RGL1: variants seen among roughly 807,000 people sequenced by gnomAD.
RGL1 encodes ral guanine nucleotide dissociation stimulator-like 1.
A neutral mutation model predicts 95.2 loss-of-function variants in RGL1; 24 were observed. That is an observed-to-expected ratio of 0.25 (90% confidence interval 0.18 to 0.35). The LOEUF is 0.35. RGL1 is among the 10% of genes least tolerant of loss of function. RGL1 has a pLI of 1.00. For missense variants in RGL1, 715 were observed against 936.3 expected (o/e 0.76, Z 3.08); for synonymous variants, 329 against 344.9 (o/e 0.95, Z 0.51).
intron 1 of RGL1, among the ~76,000 whole-genome samples, chr1:183,640,002 C>T (rs1199105203): frequency 1.3e-5 from 2 of 152,036 alleles, no homozygotes; most frequent in African/African-American, 4.8e-5. Flanking sequence ...CCACCATGCC[C>T]AGCTAATTTT....
chr1:183,895,053 T>G (rs766062362), intron 9 of RGL1, among the ~76,000 whole-genome samples: 2 of 152,216 alleles, frequency 1.3e-5, no homozygotes, highest in African/African-American at 4.8e-5. Context: ...TAAGAATTTT[T>G]TCGGTTGACT....
chr1:183,891,733 GTTT>G (rs57974956), intron 8 of RGL1, among the ~76,000 whole-genome samples: 1,509 of 123,666 alleles, frequency 0.012, 13 homozygotes, highest in African/African-American at 0.04. Context: ...GTGTGTAACA[GTTT>G]TTTTTTTTTT....
At chr1:183,772,933 C>T (rs1183054516) in intron 2 of RGL1, among the ~76,000 whole-genome samples, 1 of 141,852 alleles carries the variant, frequency 7.0e-6, no homozygotes, top group Non-Finnish European at 1.5e-5. Flanking sequence ...GGCGTGAACC[C>T]GGGAAGCGGA....
chr1:183,684,524 C>T (rs1387098014), intron 1 of RGL1, among the ~76,000 whole-genome samples: 2 of 152,152 alleles, frequency 1.3e-5, no homozygotes, highest in Non-Finnish European at 2.9e-5. Context: ...GCTTTCTGGG[C>T]TTCATGGGGG....
intron 1 of RGL1, among the ~76,000 whole-genome samples, chr1:183,671,821 C>T (rs894617643): frequency 6.6e-6 from 1 of 152,108 alleles, no homozygotes; most frequent in Admixed American, 6.5e-5. Flanking sequence ...ATGGTGAGCT[C>T]TGAAAATCCT....
chr1:183,844,049 C>T (rs1017747719), intron 2 of RGL1, among the ~76,000 whole-genome samples: 1 of 152,164 alleles, frequency 6.6e-6, no homozygotes. Context: ...TGTTCTTGAA[C>T]TCCTGACCTC....
chr1:183,874,598 C>T (rs1666377213), intron 4 of RGL1, among the ~76,000 whole-genome samples: 2 of 151,914 alleles, frequency 1.3e-5, no homozygotes, highest in African/African-American at 4.8e-5. Context: ...GCTTTGTTGG[C>T]ATTATTTCCC....
At chr1:183,878,218 A>T (rs1188068593) in intron 4 of RGL1, among the ~76,000 whole-genome samples, 2 of 149,260 alleles carry the variant, frequency 1.3e-5, no homozygotes, top group East Asian at 2.0e-4. Context: ...TTTTTTGGAG[A>T]TAGGGTCTCG....
At chr1:183,852,215 T>G (rs76302787) in intron 3 of RGL1, among the ~76,000 whole-genome samples, 13,668 of 152,274 alleles carry the variant, frequency 0.09, 653 homozygotes, top group African/African-American at 0.11. Context: ...CATATGGAAC[T>G]ATTTGCTTTC....
chr1:183,867,961 G>A (rs2102599599), intron 4 of RGL1, among the ~76,000 whole-genome samples: 1 of 152,232 alleles, frequency 6.6e-6, no homozygotes, highest in South Asian at 2.1e-4. Flanking sequence ...TTTGTTCAGT[G>A]GATCATAACT....
At chr1:183,665,286 A>G (rs1396773832) in intron 1 of RGL1, among the ~76,000 whole-genome samples, 1 of 152,066 alleles carries the variant, frequency 6.6e-6, no homozygotes, top group Non-Finnish European at 1.5e-5. Flanking sequence ...CTTGAATTCA[A>G]TTTGCTAATA....
At chr1:183,772,140 C>G (rs1659313622) in intron 2 of RGL1, among the ~76,000 whole-genome samples, 1 of 152,208 alleles carries the variant, frequency 6.6e-6, no homozygotes, top group Non-Finnish European at 1.5e-5. Context: ...CACTTATTCT[C>G]CAAGCCCACG....
At chr1:183,693,672 G>A (rs1485960116) in intron 1 of RGL1, among the ~76,000 whole-genome samples, 1 of 151,762 alleles carries the variant, frequency 6.6e-6, no homozygotes, top group Non-Finnish European at 1.5e-5. Flanking sequence ...TCCTGAGGGT[G>A]GACAGTTGAG....
intron 1 of RGL1, among the ~76,000 whole-genome samples, chr1:183,693,204 T>A (rs1477101105): frequency 6.6e-6 from 1 of 152,164 alleles, no homozygotes; most frequent in Non-Finnish European, 1.5e-5. Context: ...TCTGCCCACC[T>A]CGGCCTCCCA....
chr1:183,834,083 G>T (rs895801603), intron 2 of RGL1, among the ~76,000 whole-genome samples: 1 of 151,308 alleles, frequency 6.6e-6, no homozygotes. Flanking sequence ...TAAAAGCCTC[G>T]TGAATTTACT....
intron 16 of RGL1, among the ~76,000 whole-genome samples, chr1:183,917,326 C>T (rs1289662067): frequency 6.6e-6 from 1 of 152,188 alleles, no homozygotes; most frequent in Non-Finnish European, 1.5e-5. Context: ...TAATGGCAGT[C>T]TTTTGGGAAT....
At chr1:183,864,106 G>A (rs1442198982) in intron 3 of RGL1, among the ~76,000 whole-genome samples, 1 of 152,148 alleles carries the variant, frequency 6.6e-6, no homozygotes, top group African/African-American at 2.4e-5. Context: ...AGAGTAGGAG[G>A]AGCTAAAGCA....
chr1:183,804,603 A>G (rs1661166130), upstream of RGL1, among the ~76,000 whole-genome samples: 1 of 152,150 alleles, frequency 6.6e-6, no homozygotes, highest in South Asian at 2.1e-4. Flanking sequence ...TTACTGGGTA[A>G]TTGGGGTGGT....
chr1:183,723,431 T>G (rs1656128589), intron 1 of RGL1, among the ~76,000 whole-genome samples: 1 of 152,198 alleles, frequency 6.6e-6, no homozygotes, highest in Non-Finnish European at 1.5e-5. Context: ...AAAACAGTCT[T>G]GATTTGTCAG....
Sources: gnomAD v4.1 joint callset for allele counts (sites outside exome capture counted in the v4.1 genomes callset) on GRCh38, gnomAD v4.1.1 for gene constraint, MANE v1.5 for transcripts, NCBI Gene and HGNC (gene_info 2026-07-23, HGNC 2026-07-21) for gene names.